Variants in RGS6 observed in about 807,000 individuals in gnomAD.
RGS6 encodes the protein regulator of G-protein signaling 6.
In RGS6, 30 loss-of-function variants were observed where a neutral mutation model predicts 78.5. The ratio of observed to expected loss-of-function variants is 0.38; its 90% CI spans 0.29 to 0.52. The LOEUF is 0.52. RGS6 is among the 20% of genes least tolerant of loss of function. RGS6 has a pLI of 0.85. For missense variants in RGS6, 495 were observed against 609.7 expected (o/e 0.81, Z 1.98); for synonymous variants, 206 against 206.0 (o/e 1.00, Z 0.00).
chr14:72,570,029 A>G (rs1013768140), downstream of RGS6, among the ~76,000 whole-genome samples: 1 of 152,224 alleles, frequency 6.6e-6, no homozygotes, highest in African/African-American at 2.4e-5. Context: ...ATTGAAGAGA[A>G]TGTATGCTTT....
chr14:72,613,800 T>C, the RGS6 span, among the ~76,000 whole-genome samples: 1 of 152,200 alleles, frequency 6.6e-6, no homozygotes, highest in Non-Finnish European at 1.5e-5. Context: ...GCCTCTCTTC[T>C]AGCTGCCTGG....
At chr14:72,093,191 T>C (rs1430450103) in intron 2 of RGS6, among the ~76,000 whole-genome samples, 1 of 152,194 alleles carries the variant, frequency 6.6e-6, no homozygotes, top group Non-Finnish European at 1.5e-5. Context: ...ATCTTAAATT[T>C]GGTGCTTTTG....
intron 2 of RGS6, among the ~76,000 whole-genome samples, chr14:72,240,365 T>TA: frequency 6.6e-6 from 1 of 152,316 alleles, no homozygotes; most frequent in South Asian, 2.1e-4. Context: ...TGTTTAAATG[T>TA]AGCTCTGATT....
At chr14:72,052,940 T>TCTTC in intron 2 of RGS6, among the ~76,000 whole-genome samples, 3 of 29,920 alleles carry the variant, frequency 1.0e-4, no homozygotes, top group Non-Finnish European at 1.6e-4. Flanking sequence ...TTTCTTTCTT[T>TCTTC]CTTTCTTTCT....
At chr14:72,002,419 T>C (rs993508617) in intron 2 of RGS6, among the ~76,000 whole-genome samples, 2 of 152,274 alleles carry the variant, frequency 1.3e-5, no homozygotes, top group East Asian at 1.9e-4. Context: ...CCTTAAGCAT[T>C]TCAGTGTCTA....
At chr14:72,529,160 C>A (rs2097152378) in intron 15 of RGS6, among the ~76,000 whole-genome samples, 1 of 152,172 alleles carries the variant, frequency 6.6e-6, no homozygotes, top group Admixed American at 6.5e-5. Flanking sequence ...AGTTGCAGGG[C>A]AGGAAAGAGT....
chr14:72,592,316 T>C, the RGS6 span, among the ~76,000 whole-genome samples: 5 of 152,200 alleles, frequency 3.3e-5, no homozygotes, highest in African/African-American at 1.2e-4. Flanking sequence ...CCCAAGAAAC[T>C]CTCAACAAGA....
chr14:72,053,621 G>A (rs1028145134), intron 2 of RGS6, among the ~76,000 whole-genome samples: 2 of 152,106 alleles, frequency 1.3e-5, no homozygotes, highest in Non-Finnish European at 2.9e-5. Flanking sequence ...CACCGCTAAG[G>A]GCTATTATGT....
At chr14:71,892,629 G>A in the RGS6 span, among the ~76,000 whole-genome samples, 3 of 152,194 alleles carry the variant, frequency 2.0e-5, no homozygotes, top group Non-Finnish European at 4.4e-5. Flanking sequence ...CCAAGGATGT[G>A]GGCTTTGATT....
chr14:72,611,522 A>T, the RGS6 span, among the ~76,000 whole-genome samples: 2 of 149,556 alleles, frequency 1.3e-5, no homozygotes, highest in Non-Finnish European at 3.0e-5. Context: ...CCACCCCCCC[A>T]GTCCCGCTCT....
chr14:72,242,801 A>T (rs1183405777), intron 2 of RGS6, among the ~76,000 whole-genome samples: 5 of 134,802 alleles, frequency 3.7e-5, no homozygotes, highest in African/African-American at 5.6e-5. Flanking sequence ...TTTTAAACAT[A>T]TCTCTTGATA....
chr14:72,234,344 C>T (rs893477643), intron 2 of RGS6, among the ~76,000 whole-genome samples: 1 of 151,518 alleles, frequency 6.6e-6, no homozygotes, highest in Admixed American at 6.6e-5. Flanking sequence ...GGGAAACTGA[C>T]ACATACTATC....
intron 15 of RGS6, among the ~76,000 whole-genome samples, chr14:72,532,536 G>C (rs1245019706): frequency 1.3e-5 from 2 of 152,246 alleles, no homozygotes; most frequent in East Asian, 3.8e-4. Context: ...ATTAAGCTTA[G>C]TGAGGAAGGC....
chr14:72,291,129 A>G (rs773387372), intron 2 of RGS6, among the ~76,000 whole-genome samples: 21 of 151,128 alleles, frequency 1.4e-4, no homozygotes, highest in Admixed American at 1.3e-4. Context: ...CGATGTTTCA[A>G]CTCGTCATTC....
chr14:72,170,610 A>G (rs1422614650), intron 2 of RGS6, among the ~76,000 whole-genome samples: 1 of 152,212 alleles, frequency 6.6e-6, no homozygotes, highest in East Asian at 1.9e-4. Flanking sequence ...GCTATGATTT[A>G]TTTAGGTCAA....
chr14:72,373,680 G>A (rs981633913), intron 3 of RGS6, among the ~76,000 whole-genome samples: 2 of 152,160 alleles, frequency 1.3e-5, no homozygotes, highest in African/African-American at 4.8e-5. Context: ...TAATCGTTTT[G>A]TCTTTGGCTA....
chr14:72,426,136 C>G (rs2094427124), intron 3 of RGS6, among the ~76,000 whole-genome samples: 1 of 152,070 alleles, frequency 6.6e-6, no homozygotes, highest in South Asian at 2.1e-4. Flanking sequence ...TTATGTTGAA[C>G]TTACCAAGTG....
At chr14:72,146,449 A>G (rs184518528) in intron 2 of RGS6, among the ~76,000 whole-genome samples, 3 of 152,342 alleles carry the variant, frequency 2.0e-5, no homozygotes, top group Admixed American at 2.0e-4. Flanking sequence ...TCCAAAGTCC[A>G]TAGTCTCATC....
chr14:72,228,700 C>T (rs2048768983), intron 2 of RGS6, among the ~76,000 whole-genome samples: 1 of 152,090 alleles, frequency 6.6e-6, no homozygotes, highest in South Asian at 2.1e-4. Flanking sequence ...AGGTTAGGGA[C>T]TGAGCAAAGA....
Sources: gnomAD v4.1 joint callset for allele counts (sites outside exome capture counted in the v4.1 genomes callset) on GRCh38, gnomAD v4.1.1 for gene constraint, MANE v1.5 for transcripts, NCBI Gene and HGNC (gene_info 2026-07-23, HGNC 2026-07-21) for gene names.